The following MSI2 variants were observed in gnomAD, a reference collection of about 807,000 sequenced individuals.
The protein encoded by MSI2 is RNA-binding protein Musashi homolog 2.
MSI2 carries 17 observed loss-of-function variants against 45.6 expected under a neutral mutation model. The observed-to-expected ratio is 0.37, with a 90% CI of 0.26 to 0.56. The LOEUF (loss-of-function observed/expected upper bound fraction) is 0.56, where lower values mean the gene tolerates loss of function less well. MSI2 is among the 20% of genes least tolerant of loss of function. The pLI, the probability that MSI2 is intolerant of heterozygous loss-of-function variation, is 0.77. For missense variants in MSI2, 293 were observed against 444.2 expected (o/e 0.66, Z 3.06); for synonymous variants, 156 against 158.2 (o/e 0.99, Z 0.11).
intron 10 of MSI2, among the ~76,000 whole-genome samples, chr17:57,648,443 C>G (rs1044373714): frequency 6.6e-6 from 1 of 152,198 alleles, no homozygotes; most frequent in Admixed American, 6.5e-5. Context: ...TGCCCAAAGT[C>G]ACACAGCTAG....
chr17:57,342,092 C>A (rs1296271169), intron 5 of MSI2, among the ~76,000 whole-genome samples: 2 of 152,194 alleles, frequency 1.3e-5, no homozygotes, highest in Non-Finnish European at 2.9e-5. Flanking sequence ...CCTATTGCAT[C>A]TACTGCCTTT....
intron 7 of MSI2, among the ~76,000 whole-genome samples, chr17:57,566,795 CA>C (rs2087743490): frequency 1.3e-5 from 2 of 152,134 alleles, no homozygotes; most frequent in Non-Finnish European, 2.9e-5. Flanking sequence ...ATTTATGAAA[CA>C]ATGTAAGGAG....
intron 6 of MSI2, among the ~76,000 whole-genome samples, chr17:57,520,821 ATT>A (rs10602873): frequency 0.41 from 62,136 of 150,074 alleles, 13,168 homozygotes; most frequent in Middle Eastern, 0.52. Flanking sequence ...ACCCAACTAA[ATT>A]TTTTTTTTTT....
At chr17:57,289,843 TTGG>T (rs946870660) in intron 5 of MSI2, among the ~76,000 whole-genome samples, 1 of 152,194 alleles carries the variant, frequency 6.6e-6, no homozygotes, top group African/African-American at 2.4e-5. Flanking sequence ...CTGAATCACG[TTGG>T]TGGGAAGCTC....
At chr17:57,607,052 G>T (rs982789948) in intron 8 of MSI2, among the ~76,000 whole-genome samples, 1 of 152,182 alleles carries the variant, frequency 6.6e-6, no homozygotes, top group African/African-American at 2.4e-5. Context: ...GGCGGGTAAG[G>T]CCATCGCACA....
At chr17:57,374,292 A>C (rs1216919588) in intron 5 of MSI2, among the ~76,000 whole-genome samples, 1 of 152,226 alleles carries the variant, frequency 6.6e-6, no homozygotes, top group African/African-American at 2.4e-5. Context: ...TTTATACTTA[A>C]TGTGACTGAA....
chr17:57,575,283 A>T (rs971249921), intron 7 of MSI2, among the ~76,000 whole-genome samples: 2 of 151,616 alleles, frequency 1.3e-5, no homozygotes, highest in African/African-American at 4.9e-5. Flanking sequence ...TGCCTGGCTT[A>T]TAGTTTCTGT....
intron 6 of MSI2, among the ~76,000 whole-genome samples, chr17:57,402,573 G>A (rs546344809): frequency 5.9e-5 from 9 of 152,328 alleles, no homozygotes; most frequent in Non-Finnish European, 1.0e-4. Context: ...TGTGCTGTTG[G>A]TTTGCCCAGG....
rs1567830518 is a variant in MSI2 at position 57,450,255 on chromosome 17, T to TAGAAAGAAAGAAAGAAAGAAAAG, written c.405+48785_405+48786insGAAAGAAAGAAAGAAAGAAAAGA. ...CAACTGGAAATGGTATTCCCCAGCT[T>TAGAAAGAAAGAAAGAAAGAAAAG]AAAGAAAGAAAGAAAGAAAGAAAGA... On this transcript the variant is annotated intron_variant, in intron 6 of 13. Coordinates refer to ENST00000284073, the MANE Select transcript of MSI2 (RefSeq NM_138962.4). 2.0e-4 allele frequency: 15 copies of TAGAAAGAAAGAAAGAAAGAAAAG among 76,056 alleles called. 1 individual carries two copies. The highest frequency in any genetic ancestry group is 1.3e-3 in the East Asian group (2 of 1,596). The allele number at this position is 76,056 out of a possible 1,614,324, so 4.7% of individuals were successfully genotyped here. A position where few individuals can be genotyped will look rare whatever the true frequency, so the allele number is the denominator to read the frequency against.
intron 6 of MSI2, among the ~76,000 whole-genome samples, chr17:57,528,103 C>A (rs931736335): frequency 1.3e-5 from 2 of 150,852 alleles, no homozygotes; most frequent in Admixed American, 6.6e-5. Flanking sequence ...GTTTTACCCC[C>A]CCTACAGCCA....
At chr17:57,548,898 T>TCCCCCCCCCCCCCCC (rs758120237) in intron 7 of MSI2, among the ~76,000 whole-genome samples, 139 of 121,260 alleles carry the variant, frequency 1.1e-3, no homozygotes, top group South Asian at 2.0e-3. Flanking sequence ...TGTTTACCCT[T>TCCCCCCCCCCCCCCC]CCCCCCCCCA....
At chr17:57,689,891 TATAG>T in the MSI2 span, among the ~76,000 whole-genome samples, 2 of 152,232 alleles carry the variant, frequency 1.3e-5, no homozygotes, top group Non-Finnish European at 2.9e-5. Flanking sequence ...TTTTCCATTA[TATAG>T]ATATACCCAA....
chr17:57,442,554 G>A (rs1243840513), intron 6 of MSI2, among the ~76,000 whole-genome samples: 2 of 151,554 alleles, frequency 1.3e-5, no homozygotes, highest in East Asian at 2.0e-4. Context: ...CCCTTCTCCC[G>A]GAAGAAATGG....
At chr17:57,592,504 T>C (rs1251332522) in intron 7 of MSI2, among the ~76,000 whole-genome samples, 1 of 152,244 alleles carries the variant, frequency 6.6e-6, no homozygotes, top group Non-Finnish European at 1.5e-5. Flanking sequence ...ATTTTAGACA[T>C]AATCAAGTTT....
intron 10 of MSI2, among the ~76,000 whole-genome samples, chr17:57,646,434 C>T (rs1487281405): frequency 6.6e-6 from 1 of 152,220 alleles, no homozygotes; most frequent in Non-Finnish European, 1.5e-5. Flanking sequence ...AGATGAGTCA[C>T]TAACCCCAGA....
chr17:57,642,688 T>G (rs1177626655), intron 10 of MSI2, among the ~76,000 whole-genome samples: 1 of 152,232 alleles, frequency 6.6e-6, no homozygotes. Context: ...GGGCAGAGAC[T>G]GTATGTTGTT....
intron 6 of MSI2, among the ~76,000 whole-genome samples, chr17:57,463,358 C>T (rs778789723): frequency 8.5e-5 from 13 of 152,132 alleles, no homozygotes; most frequent in Non-Finnish European, 1.5e-4. Flanking sequence ...GGGGAATTTC[C>T]AGCATGAGTA....
At position 57,262,127 on chromosome 17, in the gene MSI2, CTGCTTTTCTAT is replaced by C; in HGVS notation, c.271-22_271-12del. ...TTTCCTTAAAGTACTTTATTGACTC[CTGCTTTTCTAT>C]TTTTTTTCCCAGATTGACCCCAAAG... On this transcript the variant is annotated splice_polypyrimidine_tract_variant and intron_variant, in intron 4 of 13. Coordinates refer to ENST00000284073, the MANE Select transcript of MSI2 (RefSeq NM_138962.4). The C allele has an allele frequency of 6.2e-7, 1 of 1,613,476 alleles. No homozygotes were observed. Among genetic ancestry groups the C allele is most frequent in the Non-Finnish European group, 8.5e-7 (1 of 1,179,606 alleles).
chr17:57,417,184 G>C (rs755328174), intron 6 of MSI2, among the ~76,000 whole-genome samples: 1 of 152,194 alleles, frequency 6.6e-6, no homozygotes, highest in Non-Finnish European at 1.5e-5. Flanking sequence ...CTCAATGCCA[G>C]CCTGAGCATT....
Sources: gnomAD v4.1 joint callset for allele counts (sites outside exome capture counted in the v4.1 genomes callset) on GRCh38, gnomAD v4.1.1 for gene constraint, MANE v1.5 for transcripts, NCBI Gene and HGNC (gene_info 2026-07-23, HGNC 2026-07-21) for gene names.